Variants in RIPOR2 observed in about 807,000 individuals in gnomAD.
RIPOR2 encodes the protein rho family-interacting cell polarization regulator 2.
RIPOR2 carries 39 observed loss-of-function variants against 114.5 expected under a neutral mutation model. The ratio of observed to expected loss-of-function variants is 0.34; its 90% CI spans 0.26 to 0.44. RIPOR2 has a LOEUF of 0.44. RIPOR2 is among the 20% of genes least tolerant of loss of function. The pLI, the probability that RIPOR2 is intolerant of heterozygous loss-of-function variation, is 1.00. For synonymous variants in RIPOR2, 445 were observed against 484.4 expected (o/e 0.92, Z 1.07); for missense variants, 1,007 against 1,255.1 (o/e 0.80, Z 2.99).
chr6:24,964,113 G>GCTC, intron 1 of RIPOR2, among the ~76,000 whole-genome samples: 1 of 148,540 alleles, frequency 6.7e-6, no homozygotes, highest in East Asian at 2.1e-4. Context: ...ATTGACATTG[G>GCTC]TGCAGTATCA....
At chr6:24,948,535 T>TTC (rs1561800909) in intron 1 of RIPOR2, among the ~76,000 whole-genome samples, 1 of 32,876 alleles carries the variant, frequency 3.0e-5, no homozygotes, top group Non-Finnish European at 9.0e-5. Flanking sequence ...CTTTCTTTCT[T>TTC]TTTTTTTTTT....
intron 1 of RIPOR2, among the ~76,000 whole-genome samples, chr6:24,917,240 G>A (rs1770148200): frequency 6.6e-6 from 1 of 152,010 alleles, no homozygotes; most frequent in African/African-American, 2.4e-5. Flanking sequence ...TGAGGACTTT[G>A]GGGACCCCTT....
At chr6:24,818,943 G>T (rs922060266) in intron 19 of RIPOR2, among the ~76,000 whole-genome samples, 2 of 151,810 alleles carry the variant, frequency 1.3e-5, no homozygotes, top group African/African-American at 4.8e-5. Flanking sequence ...AACGAGGAAG[G>T]CAAAATTTCT....
chr6:25,026,994 C>T (rs1171008918), intron 1 of RIPOR2, among the ~76,000 whole-genome samples: 4 of 152,186 alleles, frequency 2.6e-5, no homozygotes, highest in African/African-American at 9.7e-5. Context: ...CTCACAAGTC[C>T]TGACACAGCA....
At chr6:24,893,941 A>G (rs777775523) in intron 1 of RIPOR2, among the ~76,000 whole-genome samples, 30 of 152,350 alleles carry the variant, frequency 2.0e-4, no homozygotes, top group African/African-American at 4.8e-4. Context: ...ACTGGATCAC[A>G]TCAGCCACGC....
At chr6:24,995,376 T>C (rs1035333451) in intron 1 of RIPOR2, among the ~76,000 whole-genome samples, 5 of 152,194 alleles carry the variant, frequency 3.3e-5, no homozygotes, top group African/African-American at 9.7e-5. Context: ...AGCCATTTGG[T>C]TGGATAAAGT....
intron 20 of RIPOR2, among the ~76,000 whole-genome samples, chr6:24,810,787 G>A (rs977888767): frequency 2.6e-5 from 4 of 151,988 alleles, no homozygotes; most frequent in African/African-American, 9.7e-5. Flanking sequence ...AAGTAACAAG[G>A]CAAAATTTCC....
chr6:24,859,478 G>C (rs1763839641), intron 8 of RIPOR2, among the ~76,000 whole-genome samples: 1 of 152,116 alleles, frequency 6.6e-6, no homozygotes, highest in South Asian at 2.1e-4. Flanking sequence ...GTGGGACTAT[G>C]GACCTGCGTG....
chr6:24,982,143 G>T (rs977301385), intron 1 of RIPOR2, among the ~76,000 whole-genome samples: 2 of 152,176 alleles, frequency 1.3e-5, no homozygotes, highest in Non-Finnish European at 2.9e-5. Flanking sequence ...AGTAATAAAA[G>T]AAAACATGTT....
intron 7 of RIPOR2, among the ~76,000 whole-genome samples, chr6:24,863,101 C>T (rs1764237974): frequency 6.6e-6 from 1 of 151,830 alleles, no homozygotes; most frequent in Non-Finnish European, 1.5e-5. Context: ...TACAGGTGCC[C>T]GCCACCACGC....
rs948624529 is a variant in RIPOR2, at chr6:24,832,292, C to G, written c.2308G>C (p.Asp770His). Residue 770 changes from aspartate (D) to histidine (H), a missense_variant, in exon 16 of 22, where the codon GAT (aspartate) becomes CAT (histidine). Asp to His is a moderately conservative substitution (Grantham distance 81). Transcript: ENST00000643898. ...GAACTGATATTTCCTATGTTCTCAT[C>G]ACTGACAGCTGCGAGTTTCTCCATC... ...QVMEKLAAVS[D>H]ENIGNISSVV... is the part of the protein sequence containing the mutation. The G allele has an allele frequency of 6.4e-7, 1 of 1,551,802 alleles. No homozygotes were observed. The highest frequency in any genetic ancestry group is 2.0e-5 in the Admixed American group (1 of 51,000).
chr6:24,977,762 A>G (rs1774130369), intron 1 of RIPOR2, among the ~76,000 whole-genome samples: 1 of 152,276 alleles, frequency 6.6e-6, no homozygotes, highest in Admixed American at 6.5e-5. Context: ...CTAATTATTC[A>G]GGATGTAAAA....
chr6:24,851,254 T>G (rs1194326165), intron 9 of RIPOR2, among the ~76,000 whole-genome samples: 1 of 152,148 alleles, frequency 6.6e-6, no homozygotes, highest in East Asian at 1.9e-4. Flanking sequence ...ACAGGTTTTC[T>G]GTAGTAAAAG....
chr6:24,966,356 T>G (rs1311544107), intron 1 of RIPOR2, among the ~76,000 whole-genome samples: 4 of 152,226 alleles, frequency 2.6e-5, no homozygotes, highest in African/African-American at 9.6e-5. Flanking sequence ...ATACATAATT[T>G]TCATGGAATA....
chr6:24,932,572 G>T (rs997015781), intron 1 of RIPOR2, among the ~76,000 whole-genome samples: 12 of 152,122 alleles, frequency 7.9e-5, no homozygotes, highest in African/African-American at 2.7e-4. Context: ...GAAGCAAACA[G>T]GATCTCAGAA....
At chr6:24,996,464 G>A (rs970328583) in intron 1 of RIPOR2, among the ~76,000 whole-genome samples, 6 of 152,130 alleles carry the variant, frequency 3.9e-5, no homozygotes, top group African/African-American at 1.4e-4. Flanking sequence ...TTTAACCATC[G>A]CTGGCTGCCT....
At chr6:24,950,319 T>G (rs34705571) in intron 1 of RIPOR2, among the ~76,000 whole-genome samples, 21,094 of 152,236 alleles carry the variant, frequency 0.14, 1,954 homozygotes, top group Middle Eastern at 0.26. Flanking sequence ...ATGCTTGTCT[T>G]AAATGCAAGA....
chr6:25,027,257 T>C (rs564400518), intron 1 of RIPOR2, among the ~76,000 whole-genome samples: 69 of 152,312 alleles, frequency 4.5e-4, no homozygotes, highest in African/African-American at 1.5e-3. Flanking sequence ...CACCTAGCTT[T>C]GCTTACAAGA....
intron 1 of RIPOR2, among the ~76,000 whole-genome samples, chr6:25,012,347 C>A (rs1775808202): frequency 6.6e-6 from 1 of 152,120 alleles, no homozygotes; most frequent in Admixed American, 6.5e-5. Context: ...ATGGAATTAC[C>A]ATATGATCCA....
Sources: gnomAD v4.1 joint callset for allele counts (sites outside exome capture counted in the v4.1 genomes callset) on GRCh38, gnomAD v4.1.1 for gene constraint, MANE v1.5 for transcripts, NCBI Gene and HGNC (gene_info 2026-07-23, HGNC 2026-07-21) for gene names.